MGAT4C: variants seen among roughly 807,000 people sequenced by gnomAD.
MGAT4C encodes alpha-1,3-mannosyl-glycoprotein 4-beta-N-acetylglucosaminyltransferase C.
MGAT4C carries 19 observed loss-of-function variants against 40.1 expected under a neutral mutation model. The ratio of observed to expected loss-of-function variants is 0.47; its 90% confidence interval spans 0.33 to 0.70. MGAT4C has a LOEUF of 0.70. MGAT4C is among the 30% of genes least tolerant of loss of function. The pLI is 0.02. For missense variants in MGAT4C, 491 were observed against 563.2 expected (o/e 0.87, Z 1.30); for synonymous variants, 181 against 187.1 (o/e 0.97, Z 0.27).
chr12:86,566,524 TCATATACA>T (rs1565853293), intron 2 of MGAT4C, among the ~76,000 whole-genome samples: 1 of 54,102 alleles, frequency 1.8e-5, no homozygotes, highest in African/African-American at 6.7e-5. Flanking sequence ...CTTAGTAAAC[TCATATACA>T]TATATATATA....
chr12:86,354,758 T>C (rs1295715263), intron 3 of MGAT4C, among the ~76,000 whole-genome samples: 1 of 152,140 alleles, frequency 6.6e-6, no homozygotes, highest in Non-Finnish European at 1.5e-5. Flanking sequence ...GGCTGCAAGG[T>C]ATCATTATGT....
At chr12:86,595,304 G>A (rs756317512) in intron 2 of MGAT4C, among the ~76,000 whole-genome samples, 8 of 152,106 alleles carry the variant, frequency 5.3e-5, no homozygotes, top group Non-Finnish European at 7.3e-5. Flanking sequence ...AGCACTTTGG[G>A]AGGATAACCT....
rs1489990518 is a variant in MGAT4C at position 85,976,562 on chromosome 12, G to T, written c.*2727C>A. The stretch of plus-strand genomic sequence containing the variant: ...TGTATTTTTTGCTTGAAACCTGTCA[G>T]CATTTTATTTGTATGGCAATTAAAT... On this transcript the variant is annotated 3_prime_UTR_variant, in exon 5 of 5. Transcript: ENST00000611864. The T allele has an allele frequency of 6.7e-6, 1 of 149,222 alleles. No individual in the cohort carries two copies. The highest frequency in any genetic ancestry group is 1.5e-5 in the Non-Finnish European group (1 of 66,816). The allele number at this position is 149,222 out of a possible 1,614,324, so 9.2% of individuals were successfully genotyped here.
chr12:86,130,896 C>G (rs1255585586), intron 1 of MGAT4C, among the ~76,000 whole-genome samples: 1 of 151,956 alleles, frequency 6.6e-6, no homozygotes, highest in Non-Finnish European at 1.5e-5. Flanking sequence ...TATTTTTACT[C>G]TCACCACCAT....
chr12:86,674,433 C>T (rs1005646942), intron 2 of MGAT4C, among the ~76,000 whole-genome samples: 1 of 152,078 alleles, frequency 6.6e-6, no homozygotes, highest in Non-Finnish European at 1.5e-5. Context: ...GATCATATCA[C>T]GCCTGTAATC....
intron 2 of MGAT4C, among the ~76,000 whole-genome samples, chr12:86,499,431 T>A (rs181652408): frequency 3.9e-5 from 6 of 151,918 alleles, no homozygotes; most frequent in African/African-American, 1.4e-4. Flanking sequence ...CCATATTGTC[T>A]CTATGATGGG....
At chr12:86,415,609 G>T (rs909835303) in intron 3 of MGAT4C, among the ~76,000 whole-genome samples, 1 of 151,944 alleles carries the variant, frequency 6.6e-6, no homozygotes, top group Non-Finnish European at 1.5e-5. Flanking sequence ...TATTTTTAAA[G>T]CCAGAGAATG....
intron 2 of MGAT4C, among the ~76,000 whole-genome samples, chr12:86,466,497 A>G (rs1454576065): frequency 2.0e-5 from 3 of 152,232 alleles, no homozygotes; most frequent in Non-Finnish European, 1.5e-5. Context: ...AGGAAAATCT[A>G]TGGTGACAGT....
intron 2 of MGAT4C, among the ~76,000 whole-genome samples, chr12:86,551,617 G>A (rs1458930892): frequency 1.3e-5 from 2 of 152,184 alleles, no homozygotes; most frequent in Admixed American, 6.5e-5. Flanking sequence ...CAGGCCAGCT[G>A]AGTAACTAGG....
At chr12:86,130,927 CATTATT>C (rs1340501420) in intron 1 of MGAT4C, among the ~76,000 whole-genome samples, 3 of 151,938 alleles carry the variant, frequency 2.0e-5, no homozygotes, top group African/African-American at 7.2e-5. Flanking sequence ...TCTCTATTAT[CATTATT>C]ATTACTAGTA....
chr12:86,398,377 A>T (rs1182779696), intron 3 of MGAT4C, among the ~76,000 whole-genome samples: 2 of 152,174 alleles, frequency 1.3e-5, no homozygotes, highest in Admixed American at 1.3e-4. Flanking sequence ...AACATGCTTA[A>T]TTTAATCACA....
chr12:86,117,546 T>A (rs1213963633), intron 1 of MGAT4C, among the ~76,000 whole-genome samples: 1 of 152,056 alleles, frequency 6.6e-6, no homozygotes, highest in Non-Finnish European at 1.5e-5. Flanking sequence ...AATGCAGAGA[T>A]ATAGGAATGT....
chr12:86,308,480 A>T (rs1301207265), intron 4 of MGAT4C, among the ~76,000 whole-genome samples: 1 of 150,562 alleles, frequency 6.6e-6, no homozygotes, highest in Non-Finnish European at 1.5e-5. Context: ...GATCTGAGGG[A>T]AAGAAAAATA....
chr12:86,282,804 T>G (rs1256762462), intron 4 of MGAT4C, among the ~76,000 whole-genome samples: 1 of 152,072 alleles, frequency 6.6e-6, no homozygotes, highest in Non-Finnish European at 1.5e-5. Context: ...GAGTAAAGTT[T>G]ATTCTAGGAC....
At position 86,145,259 on chromosome 12, in the gene MGAT4C, C is replaced by CT. The variant is rs201070568; in HGVS notation, c.-56-95537dup. Among the ~76,000 whole-genome samples, 56 of 151,112 alleles carry CT rather than the reference C, an allele frequency of 3.7e-4. 3 individuals carry two copies. The highest frequency in any genetic ancestry group is 1.5e-3 in the Admixed American group (23 of 15,134). ...GAGATCCAACATTAACACAGACTTT[C>CT]TTTTTTTTTGGCTTAGGAGCCTCCT... On this transcript the variant is annotated intron_variant, in intron 1 of 4. Transcript: ENST00000611864.
At chr12:86,383,961 G>C (rs972845173) in intron 3 of MGAT4C, among the ~76,000 whole-genome samples, 10 of 152,132 alleles carry the variant, frequency 6.6e-5, no homozygotes, top group Non-Finnish European at 1.5e-4. Flanking sequence ...GGAGGGATCT[G>C]GTGGGAGGTA....
chr12:86,641,576 A>G (rs1236085511), intron 2 of MGAT4C, among the ~76,000 whole-genome samples: 1 of 151,834 alleles, frequency 6.6e-6, no homozygotes, highest in Non-Finnish European at 1.5e-5. Flanking sequence ...AGAGGTACTG[A>G]TCCCTGATAA....
chr12:86,792,219 C>T (rs1460390547), intron 1 of MGAT4C, among the ~76,000 whole-genome samples: 2 of 152,140 alleles, frequency 1.3e-5, no homozygotes, highest in African/African-American at 4.8e-5. Context: ...ACTATTCATA[C>T]TTACTACCTA....
intron 2 of MGAT4C, among the ~76,000 whole-genome samples, chr12:86,519,303 C>T (rs1958750608): frequency 6.6e-6 from 1 of 152,072 alleles, no homozygotes; most frequent in South Asian, 2.1e-4. Flanking sequence ...TCAGTGTATA[C>T]ATTGATGAGA....
Sources: gnomAD v4.1 joint callset for allele counts (sites outside exome capture counted in the v4.1 genomes callset) on GRCh38, gnomAD v4.1.1 for gene constraint, MANE v1.5 for transcripts, NCBI Gene and HGNC (gene_info 2026-07-23, HGNC 2026-07-21) for gene names.